The following TBC1D1 variants were observed in gnomAD, a reference collection of about 807,000 sequenced individuals.
The protein encoded by TBC1D1 is TBC1 domain family member 1, also known as TBC1 (tre-2/USP6, BUB2, cdc16) domain family, member 1.
Under a neutral mutation model 125.6 loss-of-function variants are expected in TBC1D1, and 89 were observed. The ratio of observed to expected loss-of-function variants is 0.71; its 90% CI spans 0.60 to 0.85. The LOEUF is 0.85. TBC1D1 is among the 40% of genes least tolerant of loss of function. TBC1D1 has a pLI of 0.00. For missense variants in TBC1D1, 1,377 were observed against 1,469.2 expected, an observed-to-expected ratio of 0.94 and a Z score of 1.03; for synonymous variants, 565 against 564.1, an observed-to-expected ratio of 1.00 and a Z score of -0.02.
chr4:38,043,654 A>G (rs1206169894), intron 8 of TBC1D1, among the ~76,000 whole-genome samples: 2 of 152,044 alleles, frequency 1.3e-5, no homozygotes, highest in Non-Finnish European at 2.9e-5. Context: ...GTGGTTGTCA[A>G]GCAAACTCCA....
chr4:37,891,786 T>G (rs904097922), intron 1 of TBC1D1, among the ~76,000 whole-genome samples: 1 of 151,480 alleles, frequency 6.6e-6, no homozygotes, highest in Non-Finnish European at 1.5e-5. Context: ...GCTCCACCAG[T>G]GCGCGCAACA....
intron 2 of TBC1D1, among the ~76,000 whole-genome samples, chr4:37,912,281 G>C (rs1718786417): frequency 6.6e-6 from 1 of 152,232 alleles, no homozygotes; most frequent in African/African-American, 2.4e-5. Context: ...ATTCGAGTGG[G>C]TTTTAAAGGA....
chr4:38,071,640 A>G (rs941795463), intron 12 of TBC1D1, among the ~76,000 whole-genome samples: 1 of 152,158 alleles, frequency 6.6e-6, no homozygotes, highest in Admixed American at 6.5e-5. Context: ...TTCCTGCCTC[A>G]TGCCGTTGCT....
intron 2 of TBC1D1, among the ~76,000 whole-genome samples, chr4:37,943,806 T>G (rs1358558240): frequency 6.6e-6 from 1 of 152,146 alleles, no homozygotes; most frequent in Non-Finnish European, 1.5e-5. Context: ...GGGAGAAGTT[T>G]GATTGTCTGA....
At chr4:37,986,108 C>G (rs960772752) in intron 2 of TBC1D1, among the ~76,000 whole-genome samples, 9 of 152,162 alleles carry the variant, frequency 5.9e-5, no homozygotes, top group African/African-American at 2.2e-4. Context: ...GCCTATGGCC[C>G]TCAAATACCT....
intron 1 of TBC1D1, among the ~76,000 whole-genome samples, chr4:37,893,010 A>T (rs541600100): frequency 6.6e-6 from 1 of 152,212 alleles, no homozygotes; most frequent in East Asian, 1.9e-4. Context: ...ATCTTCTAGG[A>T]TCTTCTAGGA....
At chr4:37,976,070 T>A (rs2068650692) in intron 2 of TBC1D1, among the ~76,000 whole-genome samples, 1 of 152,224 alleles carries the variant, frequency 6.6e-6, no homozygotes, top group African/African-American at 2.4e-5. Flanking sequence ...AGTGTTGGGA[T>A]GTCACATCTT....
At chr4:37,981,919 A>C (rs1734406946) in intron 2 of TBC1D1, among the ~76,000 whole-genome samples, 1 of 152,196 alleles carries the variant, frequency 6.6e-6, no homozygotes, top group Non-Finnish European at 1.5e-5. Context: ...CCTCAGTAAT[A>C]AGAAAGGAAT....
intron 2 of TBC1D1, among the ~76,000 whole-genome samples, chr4:37,930,076 C>T (rs967979885): frequency 7.9e-5 from 12 of 152,070 alleles, no homozygotes; most frequent in African/African-American, 1.7e-4. Flanking sequence ...TTGACAGCAA[C>T]GTGGTTTACA....
chr4:37,908,493 A>G (rs1375848281), intron 2 of TBC1D1, among the ~76,000 whole-genome samples: 1 of 152,148 alleles, frequency 6.6e-6, no homozygotes, highest in Non-Finnish European at 1.5e-5. Context: ...GACATGAGAC[A>G]CTTGTGCCTG....
chr4:38,035,717 T>C lies in TBC1D1; in HGVS notation c.1413+19T>C. ...GAAGCAGGTATGGCATTTTTGTCTCTTGTAATTGTTGCCAAGTCTCTGCCA... is the reference window on the plus strand; with the variant it reads ...GAAGCAGGTATGGCATTTTTGTCTCCTGTAATTGTTGCCAAGTCTCTGCCA... On this transcript the variant is annotated intron_variant, in intron 8 of 19. Coordinates refer to ENST00000261439, the MANE Select transcript of TBC1D1 (RefSeq NM_015173.4). 6.4e-7 allele frequency: 1 copy of C among 1,565,246 alleles called. No homozygotes were observed. The highest frequency in any genetic ancestry group is 1.1e-5 in the South Asian group (1 of 88,890).
At chr4:38,136,960 C>A (rs1018498993) in intron 19 of TBC1D1, among the ~76,000 whole-genome samples, 175 bp from the exon 22 acceptor site, 7 of 152,106 alleles carry the variant, frequency 4.6e-5, no homozygotes, top group African/African-American at 1.7e-4. Context: ...TGGCCACCGA[C>A]CTGCAAGGGG....
intron 7 of TBC1D1, among the ~76,000 whole-genome samples, chr4:38,028,743 T>C (rs888398251): frequency 2.0e-5 from 3 of 152,222 alleles, no homozygotes; most frequent in African/African-American, 7.2e-5. Context: ...CTGGTCCGCA[T>C]GTACTCATCT....
At chr4:37,976,549 G>A (rs1287846433) in intron 2 of TBC1D1, among the ~76,000 whole-genome samples, 1 of 152,240 alleles carries the variant, frequency 6.6e-6, no homozygotes, top group African/African-American at 2.4e-5. Context: ...AAGGAAAAGA[G>A]AAGCAGAATT....
In TBC1D1 at chr4:38,014,511, G is replaced by T. The variant is rs1323397915; in HGVS notation, c.420G>T (p.Val140=). 11 of 1,611,540 alleles carry T rather than the reference G, an allele frequency of 6.8e-6. No individual in the cohort carries two copies. The highest frequency in any genetic ancestry group is 7.6e-6 in the Non-Finnish European group (9 of 1,178,710). ...AACACGCCTCTCTCTCTCCTCAGGT[G>T]CCTGAGATCATCAGCTCCATCCGTC... Residue 140 remains valine (V), a splice_region_variant and synonymous_variant, in exon 3 of 20, where the codon GTG becomes GTT. Coordinates refer to ENST00000261439, the MANE Select transcript of TBC1D1 (RefSeq NM_015173.4). This position sits in a 1 kb window ranked among gnomAD's most constrained non-coding sequence, Gnocchi z 5.1.
At chr4:38,074,959 C>T (rs916389244) in intron 12 of TBC1D1, among the ~76,000 whole-genome samples, 3 of 152,060 alleles carry the variant, frequency 2.0e-5, no homozygotes. Flanking sequence ...CAGGGTTTTG[C>T]CATGTTGTCC....
chr4:38,111,598 T>G (rs968201077), intron 15 of TBC1D1, among the ~76,000 whole-genome samples: 4 of 152,234 alleles, frequency 2.6e-5, no homozygotes, highest in Non-Finnish European at 4.4e-5. Flanking sequence ...CCGCTGAATT[T>G]TATTTGCTTC....
chr4:38,106,573 G>A (rs972615984), intron 15 of TBC1D1, among the ~76,000 whole-genome samples: 19 of 152,170 alleles, frequency 1.2e-4, no homozygotes, highest in African/African-American at 4.6e-4. Flanking sequence ...AGGGTGGGAG[G>A]CTGAAAGGGA....
chr4:38,082,537 A>G (rs1301361069), intron 12 of TBC1D1, among the ~76,000 whole-genome samples: 1 of 152,226 alleles, frequency 6.6e-6, no homozygotes, highest in Non-Finnish European at 1.5e-5. Flanking sequence ...TCAGCTCCTC[A>G]AAAAATACAG....
Sources: gnomAD v4.1 joint callset for allele counts (sites outside exome capture counted in the v4.1 genomes callset) on GRCh38, gnomAD v4.1.1 for gene constraint, Gnocchi (gnomAD v3.1) non-coding constraint, MANE v1.5 for transcripts, NCBI Gene and HGNC (gene_info 2026-07-23, HGNC 2026-07-21) for gene names.